FRMD4A: variants seen among roughly 807,000 people sequenced by gnomAD.
The protein encoded by FRMD4A is FERM domain containing 4A, also known as FERM domain-containing protein 4A.
In FRMD4A, 29 loss-of-function variants were observed where a neutral mutation model predicts 129.1. The observed-to-expected ratio is 0.22, with a 90% CI of 0.17 to 0.31. The LOEUF (loss-of-function observed/expected upper bound fraction) is 0.31. FRMD4A is among the 10% of genes least tolerant of loss of function. FRMD4A has a pLI of 1.00. For missense variants in FRMD4A, 1,272 were observed against 1,375.8 expected, an observed-to-expected ratio of 0.92 and a Z score of 1.19; for synonymous variants, 634 against 571.6, an observed-to-expected ratio of 1.11 and a Z score of -1.56.
chr10:14,052,485 T>C (rs985965038), intron 2 of FRMD4A, among the ~76,000 whole-genome samples: 4 of 152,154 alleles, frequency 2.6e-5, no homozygotes, highest in Non-Finnish European at 5.9e-5. Flanking sequence ...CTTTTACTCA[T>C]GGCAGAAAAG....
chr10:14,322,361 A>G (rs746326292), intron 2 of FRMD4A, among the ~76,000 whole-genome samples: 3 of 152,190 alleles, frequency 2.0e-5, no homozygotes, highest in African/African-American at 7.2e-5. Context: ...GGAGAAGACC[A>G]TAAATTCTAC....
chr10:14,005,474 A>G (rs752094790), intron 2 of FRMD4A, among the ~76,000 whole-genome samples: 2 of 152,126 alleles, frequency 1.3e-5, no homozygotes, highest in African/African-American at 4.8e-5. Flanking sequence ...CCTTCTTTCA[A>G]CTCAACCTCT....
intron 5 of FRMD4A, among the ~76,000 whole-genome samples, chr10:13,788,820 G>C (rs779428414): frequency 1.1e-5 from 1 of 91,728 alleles, no homozygotes; most frequent in African/African-American, 4.8e-5. Context: ...AAAGCCTCGG[G>C]GAGTCCCGTC....
At chr10:14,277,683 C>T (rs561967517) in intron 2 of FRMD4A, among the ~76,000 whole-genome samples, 8 of 152,364 alleles carry the variant, frequency 5.3e-5, no homozygotes, top group Admixed American at 2.0e-4. Flanking sequence ...CTTGAGGCAA[C>T]GCCTCCCCAC....
At chr10:13,779,788 CA>C (rs33912813) in intron 6 of FRMD4A, among the ~76,000 whole-genome samples, 77 of 146,878 alleles carry the variant, frequency 5.2e-4, no homozygotes, top group African/African-American at 1.2e-3. Flanking sequence ...AATTCACTCT[CA>C]AAAAAAAAAA....
chr10:13,900,619 G>C (rs1038780996), intron 2 of FRMD4A, among the ~76,000 whole-genome samples: 12 of 152,224 alleles, frequency 7.9e-5, no homozygotes, highest in African/African-American at 2.9e-4. Context: ...AAATAGGGCC[G>C]GGCATGGTGG....
chr10:13,855,506 T>C (rs765334717), intron 3 of FRMD4A, among the ~76,000 whole-genome samples: 1 of 152,176 alleles, frequency 6.6e-6, no homozygotes, highest in African/African-American at 2.4e-5. Context: ...TAAACCTGAC[T>C]CTCCATGTTA....
chr10:14,037,900 C>CT (rs1414452621), intron 2 of FRMD4A, among the ~76,000 whole-genome samples: 10 of 152,150 alleles, frequency 6.6e-5, no homozygotes, highest in Admixed American at 6.5e-4. Flanking sequence ...GACCAATTCC[C>CT]TTTTTTAAAC....
At chr10:13,748,564 C>T (rs186345286) in intron 8 of FRMD4A, among the ~76,000 whole-genome samples, 2 of 152,172 alleles carry the variant, frequency 1.3e-5, no homozygotes, top group African/African-American at 2.4e-5. Context: ...TGTTGGATTT[C>T]GGATTTTCAG....
intron 2 of FRMD4A, among the ~76,000 whole-genome samples, chr10:14,259,934 T>A (rs932761018): frequency 6.6e-6 from 1 of 151,588 alleles, no homozygotes; most frequent in Non-Finnish European, 1.5e-5. Flanking sequence ...TTGTCAGGGA[T>A]GTTAAGTCTT....
intron 2 of FRMD4A, among the ~76,000 whole-genome samples, chr10:14,214,115 G>A (rs1308635792): frequency 1.3e-5 from 2 of 152,240 alleles, no homozygotes; most frequent in Non-Finnish European, 2.9e-5. Context: ...CCCCAGCCAT[G>A]TGGAACTGTG....
chr10:14,183,497 A>G (rs1589137595), intron 2 of FRMD4A, among the ~76,000 whole-genome samples: 1 of 151,428 alleles, frequency 6.6e-6, no homozygotes, highest in East Asian at 1.9e-4. Context: ...CTCAATGTGC[A>G]TTATCTTCAT....
rs779471389 is a variant in FRMD4A at position 14,010,664 on chromosome 10, CTTTT to C, written c.46-151756_46-151753del. On this transcript the variant is annotated intron_variant, in intron 2 of 24. Coordinates refer to ENST00000357447, the MANE Select transcript of FRMD4A (RefSeq NM_018027.5). ...TCAAAATTAATTGTCGAGTTTAGGT[CTTTT>C]TTTTTTTTTTTTTTTTTTTTAAATA... Among the ~76,000 whole-genome samples the C allele has an allele frequency of 2.9e-4, 22 of 76,426 alleles. 2 individuals carry two copies. The highest frequency in any genetic ancestry group is 6.4e-4 in the East Asian group (1 of 1,566). 50.1% of individuals were successfully genotyped at this position (76,426 alleles called of 152,430 possible).
chr10:13,864,662 G>A (rs996038492), intron 2 of FRMD4A, among the ~76,000 whole-genome samples: 50 of 146,574 alleles, frequency 3.4e-4, no homozygotes, highest in African/African-American at 1.3e-3. Context: ...TGCAACTTCT[G>A]CCTCCTGAGT....
intron 2 of FRMD4A, among the ~76,000 whole-genome samples, chr10:14,138,544 AG>A (rs1340810034): frequency 6.6e-6 from 1 of 152,098 alleles, no homozygotes; most frequent in Non-Finnish European, 1.5e-5. Flanking sequence ...GCAGATCATG[AG>A]GTCAAGAGAT....
chr10:13,669,009 G>A (rs2083287127), intron 17 of FRMD4A, among the ~76,000 whole-genome samples: 1 of 151,760 alleles, frequency 6.6e-6, no homozygotes, highest in South Asian at 2.1e-4. Flanking sequence ...AAGAAGTAAG[G>A]GCTATGAGCT....
chr10:13,856,601 G>A (rs1200375376), intron 3 of FRMD4A, among the ~76,000 whole-genome samples: 1 of 152,118 alleles, frequency 6.6e-6, no homozygotes, highest in Non-Finnish European at 1.5e-5. Context: ...AAAGACCTAA[G>A]AGAGACCAGC....
intron 2 of FRMD4A, among the ~76,000 whole-genome samples, chr10:14,261,366 T>C (rs958696077): frequency 1.3e-5 from 2 of 152,214 alleles, no homozygotes; most frequent in African/African-American, 4.8e-5. Flanking sequence ...GTGTGCAGAA[T>C]TCCGTGGGCC....
At position 14,150,500 on chromosome 10, in the gene FRMD4A, G is replaced by T. The variant is rs561085173; in HGVS notation, c.45+179558C>A. Among the ~76,000 whole-genome samples the T allele has an allele frequency of 7.2e-5, 11 of 152,164 alleles. No homozygotes were observed. In the East Asian group the frequency reaches 1.7e-3, roughly 24 times the overall value. ...CTGAACTGTTCTAGATTACATTCCT[G>T]TCCAGCCAATGGATCTGCTTGTACT... On this transcript the variant is annotated intron_variant, in intron 2 of 24. Coordinates refer to ENST00000357447, the MANE Select transcript of FRMD4A (RefSeq NM_018027.5).
Sources: allele counts gnomAD v4.1 joint callset (sites outside exome capture counted in the v4.1 genomes callset), GRCh38; gene constraint gnomAD v4.1.1; transcripts MANE v1.5; gene names NCBI Gene and HGNC (gene_info 2026-07-23, HGNC 2026-07-21).